ARK2C: variants seen among roughly 807,000 people sequenced by gnomAD.
The protein encoded by ARK2C is E3 ubiquitin-protein ligase ARK2C.
the ARK2C span, among the ~76,000 whole-genome samples, chr18:46,420,568 G>T: frequency 2.6e-5 from 4 of 152,074 alleles, no homozygotes; most frequent in African/African-American, 9.7e-5. Context: ...GTTTGGGCCA[G>T]ATGCGGTGGC....
chr18:46,421,477 T>A, the ARK2C span, among the ~76,000 whole-genome samples: 2 of 152,232 alleles, frequency 1.3e-5, no homozygotes, highest in Non-Finnish European at 2.9e-5. Context: ...TCTGCCTTCA[T>A]GGAGTGTACA....
the ARK2C span, among the ~76,000 whole-genome samples, chr18:46,451,257 A>C: frequency 6.6e-6 from 1 of 152,190 alleles, no homozygotes; most frequent in Admixed American, 6.5e-5. Context: ...GAGCGTCAGG[A>C]TCACCTGGGG....
the ARK2C span, among the ~76,000 whole-genome samples, chr18:46,362,624 G>A: frequency 1.3e-5 from 2 of 152,238 alleles, no homozygotes; most frequent in Non-Finnish European, 2.9e-5. Flanking sequence ...TCAAAGCTTT[G>A]CTATTTCCAG....
chr18:46,436,086 C>T, the ARK2C span, among the ~76,000 whole-genome samples: 1 of 152,048 alleles, frequency 6.6e-6, no homozygotes, highest in South Asian at 2.1e-4. Flanking sequence ...CCACCAGATT[C>T]TGGTTCTAGC....
the ARK2C span, chr18:46,462,634 G>C: frequency 6.5e-6 from 1 of 152,700 alleles, no homozygotes; most frequent in East Asian, 1.9e-4. Context: ...CACCACACTG[G>C]AGGGAGCACG....
chr18:46,415,242 G>T, the ARK2C span, among the ~76,000 whole-genome samples: 1 of 152,194 alleles, frequency 6.6e-6, no homozygotes, highest in Non-Finnish European at 1.5e-5. Context: ...GAAGGAAGGC[G>T]AGGCACAGTG....
the ARK2C span, among the ~76,000 whole-genome samples, chr18:46,442,378 A>T: frequency 6.9e-3 from 1,057 of 152,214 alleles, 10 homozygotes; most frequent in African/African-American, 0.021. Flanking sequence ...AGGACTACAA[A>T]CTTTCTAGTT....
the ARK2C span, chr18:46,458,765 G>C: frequency 6.6e-6 from 1 of 152,248 alleles, no homozygotes; most frequent in African/African-American, 2.4e-5. Flanking sequence ...TACCGGTGCA[G>C]GCGCTGGGAG....
the ARK2C span, chr18:46,433,655 C>G: frequency 1.1e-5 from 8 of 704,810 alleles, no homozygotes; most frequent in Non-Finnish European, 1.8e-5. Flanking sequence ...TGGCTTCTCT[C>G]CCTGGCCTGG....
At chr18:46,456,272 G>A in the ARK2C span, among the ~76,000 whole-genome samples, 1 of 152,180 alleles carries the variant, frequency 6.6e-6, no homozygotes, top group South Asian at 2.1e-4. Flanking sequence ...GCCCGGGTAC[G>A]GACGCGAGGA....
chr18:46,444,596 C>T, the ARK2C span, among the ~76,000 whole-genome samples: 1 of 151,892 alleles, frequency 6.6e-6, no homozygotes, highest in African/African-American at 2.4e-5. Flanking sequence ...TCCTGAGTAG[C>T]TTGGACCAGA....
chr18:46,351,940 A>G, the ARK2C span, among the ~76,000 whole-genome samples: 3 of 152,226 alleles, frequency 2.0e-5, no homozygotes, highest in Non-Finnish European at 4.4e-5. Context: ...TGCACCGTGC[A>G]TCTACGCAGT....
At chr18:46,365,856 T>C in the ARK2C span, among the ~76,000 whole-genome samples, 88 of 151,660 alleles carry the variant, frequency 5.8e-4, no homozygotes, top group Admixed American at 1.2e-3. Context: ...GGGGTGAGGG[T>C]GTGGGCAAGG....
the ARK2C span, among the ~76,000 whole-genome samples, chr18:46,414,346 G>A: frequency 8.5e-5 from 13 of 152,184 alleles, no homozygotes; most frequent in Non-Finnish European, 1.5e-4. Flanking sequence ...CCAAACCAGG[G>A]CTCTGTGTAG....
the ARK2C span, chr18:46,335,801 A>C: frequency 4.3e-6 from 3 of 690,092 alleles, no homozygotes; most frequent in Non-Finnish European, 5.4e-6. Context: ...TGGCCCCCTT[A>C]GGCCTGTTTG....
At chr18:46,445,274 T>A in the ARK2C span, among the ~76,000 whole-genome samples, 14 of 152,150 alleles carry the variant, frequency 9.2e-5, no homozygotes, top group Non-Finnish European at 1.3e-4. Context: ...GACTAGAATA[T>A]CCCTAGAGTA....
chr18:46,412,106 G>A, the ARK2C span, among the ~76,000 whole-genome samples: 2 of 151,468 alleles, frequency 1.3e-5, no homozygotes, highest in African/African-American at 2.4e-5. Context: ...GGGAGACAAC[G>A]GCTCATCTCA....
the ARK2C span, among the ~76,000 whole-genome samples, chr18:46,414,621 G>A: frequency 6.6e-6 from 1 of 152,182 alleles, no homozygotes; most frequent in Non-Finnish European, 1.5e-5. Context: ...ACACACACAT[G>A]CTTATACATT....
At chr18:46,349,757 G>T in the ARK2C span, among the ~76,000 whole-genome samples, 1 of 152,048 alleles carries the variant, frequency 6.6e-6, no homozygotes, top group Non-Finnish European at 1.5e-5. Context: ...GGAGTTTCTT[G>T]CCTATCTAGT....
Sources: gnomAD v4.1 joint callset for allele counts (sites outside exome capture counted in the v4.1 genomes callset) on GRCh38, gnomAD v4.1.1 for gene constraint, MANE v1.5 for transcripts, NCBI Gene and HGNC (gene_info 2026-07-23, HGNC 2026-07-21) for gene names.